The following IQUB variants were observed in gnomAD, a reference collection of about 807,000 sequenced individuals.
IQUB encodes IQ motif and ubiquitin domain containing, also known as IQ motif and ubiquitin-like domain-containing protein.
A neutral mutation model predicts 86.4 loss-of-function variants in IQUB; 86 were observed. The observed-to-expected ratio is 1.00, with a 90% CI of 0.84 to 1.19. The LOEUF (loss-of-function observed/expected upper bound fraction) is 1.19. Among genes scored for constraint, IQUB ranks in the 50% most tolerant of loss-of-function variants. The pLI is 0.00. For synonymous variants in IQUB, 289 were observed against 304.5 expected, an observed-to-expected ratio of 0.95 and a Z score of 0.53; for missense variants, 946 against 916.9, an observed-to-expected ratio of 1.03 and a Z score of -0.41.
chr7:123,533,185 G>T lies in IQUB; in HGVS notation c.-5+1307C>A, dbSNP rs1797624966. On this transcript the variant is annotated intron_variant, in intron 1 of 12. Transcript: ENST00000324698. ...CTTGGCTCCGAGGCCCCGCCATGCAGACCCCTCTAGTTTTTTACTATTAAA... is the reference window on the plus strand; with the variant it reads ...CTTGGCTCCGAGGCCCCGCCATGCATACCCCTCTAGTTTTTTACTATTAAA... Among the ~76,000 whole-genome samples, 3 of 152,336 alleles carry T rather than the reference G, an allele frequency of 2.0e-5. No individual in the cohort carries two copies. The South Asian group carries it at 6.2e-4, about 32-fold the overall frequency.
intron 3 of IQUB, among the ~76,000 whole-genome samples, chr7:123,507,804 C>T (rs1425371292): frequency 2.0e-5 from 3 of 149,556 alleles, no homozygotes; most frequent in Admixed American, 6.8e-5. Flanking sequence ...ACCTGGGAGG[C>T]GGAGGTTGCA....
intron 1 of IQUB, among the ~76,000 whole-genome samples, chr7:123,531,116 CA>C (rs1797519197): frequency 6.6e-6 from 1 of 152,078 alleles, no homozygotes; most frequent in Admixed American, 6.6e-5. Context: ...AAAAGAAAAA[CA>C]CAAAGAACAA....
At chr7:123,529,477 GT>G (rs74558576) in intron 1 of IQUB, among the ~76,000 whole-genome samples, 13 of 147,918 alleles carry the variant, frequency 8.8e-5, no homozygotes, top group African/African-American at 1.7e-4. Context: ...TGTCTCTAGT[GT>G]TTTTTTTTTG....
chr7:123,462,505 G>A (rs1215267125), intron 10 of IQUB: 1 of 200,242 alleles, frequency 5.0e-6, no homozygotes, highest in African/African-American at 2.3e-5. Flanking sequence ...TTCCCAAAGG[G>A]TAATATTCTT....
chr7:123,529,071 T>A (rs566585351), intron 1 of IQUB, among the ~76,000 whole-genome samples: 2 of 152,292 alleles, frequency 1.3e-5, no homozygotes, highest in African/African-American at 4.8e-5. Flanking sequence ...TATCATTCAT[T>A]TTGTTGTTGT....
intron 1 of IQUB, among the ~76,000 whole-genome samples, chr7:123,515,775 T>C (rs1402616618): frequency 6.6e-6 from 1 of 152,216 alleles, no homozygotes; most frequent in African/African-American, 2.4e-5. Context: ...TGAGTGCATA[T>C]AAAGACAAGT....
intron 8 of IQUB, among the ~76,000 whole-genome samples, 179 bp downstream of exon 8, chr7:123,479,613 GGCT>G (rs1349073355): frequency 6.6e-6 from 1 of 151,820 alleles, no homozygotes; most frequent in African/African-American, 2.4e-5. Flanking sequence ...TTTTACTCTA[GGCT>G]GCTATTAAAA....
chr7:123,532,652 G>T (rs1314150553), intron 1 of IQUB: 1 of 152,112 alleles, frequency 6.6e-6, no homozygotes, highest in Non-Finnish European at 1.5e-5. Flanking sequence ...CTCAGAAAGC[G>T]GAAAAAGAAC....
chr7:123,497,272 G>C (rs1400289033), intron 6 of IQUB, among the ~76,000 whole-genome samples: 1 of 152,098 alleles, frequency 6.6e-6, no homozygotes, highest in Non-Finnish European at 1.5e-5. Flanking sequence ...GTGATAATAA[G>C]AGTATACATA....
intron 3 of IQUB, among the ~76,000 whole-genome samples, chr7:123,504,147 T>A (rs1196054056): frequency 6.6e-6 from 1 of 152,118 alleles, no homozygotes; most frequent in Admixed American, 6.5e-5. Context: ...GACTGCATAA[T>A]TTATAAAGAA....
At chr7:123,456,312 C>A (rs1294390720) in intron 12 of IQUB, among the ~76,000 whole-genome samples, 1 of 152,060 alleles carries the variant, frequency 6.6e-6, no homozygotes, top group Non-Finnish European at 1.5e-5. Context: ...TCAATCTCAT[C>A]ATGGGTCCTA....
intron 6 of IQUB, among the ~76,000 whole-genome samples, chr7:123,497,933 C>A (rs1418712511): frequency 6.6e-6 from 1 of 151,682 alleles, no homozygotes; most frequent in African/African-American, 2.4e-5. Context: ...GATGGATGGT[C>A]TGAGCAGAGT....
chr7:123,516,726 G>A (rs1005826991), intron 1 of IQUB, among the ~76,000 whole-genome samples: 1 of 152,108 alleles, frequency 6.6e-6, no homozygotes, highest in African/African-American at 2.4e-5. Flanking sequence ...AATTCTCAAT[G>A]TATTATTTTT....
intron 9 of IQUB, among the ~76,000 whole-genome samples, chr7:123,468,768 TC>T (rs1486681130): frequency 6.6e-6 from 1 of 152,220 alleles, no homozygotes; most frequent in Non-Finnish European, 1.5e-5. Flanking sequence ...TGAGTTTGTT[TC>T]TTGTTTCTTG....
intron 8 of IQUB, among the ~76,000 whole-genome samples, chr7:123,474,930 A>T (rs1794683452): frequency 6.6e-6 from 1 of 152,168 alleles, no homozygotes; most frequent in African/African-American, 2.4e-5. Context: ...CTCTGCCTTG[A>T]TTTCTACAAA....
At chr7:123,453,616 A>G (rs1408900566) in intron 12 of IQUB, among the ~76,000 whole-genome samples, 2 of 152,032 alleles carry the variant, frequency 1.3e-5, no homozygotes, top group East Asian at 1.9e-4. Flanking sequence ...AAAGCTGAAG[A>G]TTAAATATGG....
intron 1 of IQUB, among the ~76,000 whole-genome samples, chr7:123,516,127 G>A (rs1003243473): frequency 3.3e-5 from 5 of 150,448 alleles, no homozygotes; most frequent in Non-Finnish European, 7.4e-5. Context: ...CTTTCAGTAG[G>A]GGGAAAAAAA....
intron 7 of IQUB, 45 bp downstream of exon 7, chr7:123,496,651 T>C (rs531013823): frequency 5.2e-6 from 6 of 1,155,466 alleles, no homozygotes; most frequent in South Asian, 4.8e-5. Context: ...TTCCTATTAA[T>C]GAAGAATTTA....
At position 123,525,537 on chromosome 7, in the gene IQUB, A is replaced by C. The variant is rs557195087; in HGVS notation, c.-5+8955T>G. 3.2e-4 allele frequency among the ~76,000 whole-genome samples: 48 copies of C among 152,094 alleles called. 1 individual carries two copies. The East Asian group carries it at 6.0e-3, about 19-fold the overall frequency. On this transcript the variant is annotated intron_variant, in intron 1 of 12. Transcript: ENST00000324698. ...ATGGTAGTTTGTATTTCTGTGGGAT[A>C]GGTGGTGATATCCCCTTTATCATTT...
Sources: allele counts gnomAD v4.1 joint callset (sites outside exome capture counted in the v4.1 genomes callset), GRCh38; gene constraint gnomAD v4.1.1; transcripts MANE v1.5; gene names NCBI Gene and HGNC (gene_info 2026-07-23, HGNC 2026-07-21).